PTPRE: variants seen among roughly 807,000 people sequenced by gnomAD.
The protein encoded by PTPRE is protein tyrosine phosphatase receptor type E, also known as receptor-type tyrosine-protein phosphatase epsilon.
PTPRE carries 51 observed loss-of-function variants against 102.0 expected under a neutral mutation model. That is an observed-to-expected ratio of 0.50 (90% CI 0.40 to 0.63). PTPRE has a LOEUF of 0.63. Ranked by LOEUF, PTPRE falls within the 30% of genes least tolerant of loss-of-function variation. The pLI is 0.00. For missense variants in PTPRE, 752 were observed against 915.1 expected, an observed-to-expected ratio of 0.82 and a Z score of 2.30; for synonymous variants, 345 against 348.2, an observed-to-expected ratio of 0.99 and a Z score of 0.10.
intron 1 of PTPRE, among the ~76,000 whole-genome samples, chr10:127,969,926 A>C (rs1360407945): frequency 1.3e-5 from 2 of 152,208 alleles, no homozygotes; most frequent in Non-Finnish European, 2.9e-5. Flanking sequence ...CCTGAGTCAC[A>C]AGCTCTTCAG....
At chr10:127,939,662 C>G (rs9783160) in intron 1 of PTPRE, among the ~76,000 whole-genome samples, 61,033 of 152,078 alleles carry the variant, frequency 0.4, 13,690 homozygotes, top group African/African-American at 0.6. Flanking sequence ...CCAAGGCTTC[C>G]GGGTAGGGCT....
At chr10:128,052,282 A>ACCG (rs1848620963) in intron 6 of PTPRE, among the ~76,000 whole-genome samples, 1 of 152,066 alleles carries the variant, frequency 6.6e-6, no homozygotes, top group Admixed American at 6.5e-5. Flanking sequence ...GGGAGACACC[A>ACCG]GAGTCTCAAA....
At chr10:127,910,174 C>T (rs1299879743) in intron 1 of PTPRE, among the ~76,000 whole-genome samples, 2 of 152,214 alleles carry the variant, frequency 1.3e-5, no homozygotes, top group Non-Finnish European at 2.9e-5. Flanking sequence ...AAGAAAACTA[C>T]AGTTCTAAGA....
At chr10:128,076,396 C>CAT (rs909579663) in intron 17 of PTPRE, among the ~76,000 whole-genome samples, 8 of 152,126 alleles carry the variant, frequency 5.3e-5, no homozygotes, top group South Asian at 4.1e-4. Flanking sequence ...GTTAAGGTTT[C>CAT]ATATATATAT....
chr10:128,066,068 C>T lies in PTPRE; in HGVS notation c.724-7C>T, dbSNP rs754551244. 5.0e-6 allele frequency: 8 copies of T among 1,614,160 alleles called. No homozygotes were observed. Among genetic ancestry groups the T allele is most frequent in the East Asian group, 2.2e-5 (1 of 44,882 alleles). On this transcript the variant is annotated splice_region_variant and splice_polypyrimidine_tract_variant and intron_variant, in intron 10 of 20. Coordinates refer to ENST00000254667, the MANE Select transcript of PTPRE (RefSeq NM_006504.6). ...TCTATTTGCTTCTATTAAATTGTTC[C>T]GTGCAGGAAAAGTGCCATCAGTACT...
intron 1 of PTPRE, 91 bp from the exon 2 acceptor site, chr10:127,982,183 G>A (rs748027109): frequency 1.7e-5 from 13 of 757,232 alleles, no homozygotes; most frequent in East Asian, 6.7e-5. Context: ...TGGGATAGTC[G>A]ACTAGTGCTG....
chr10:128,033,302 C>T (rs886713523), intron 2 of PTPRE, among the ~76,000 whole-genome samples: 1 of 152,172 alleles, frequency 6.6e-6, no homozygotes, highest in Non-Finnish European at 1.5e-5. Flanking sequence ...GTTAGTGCTC[C>T]CAAGGGTAGA....
chr10:127,916,680 C>T (rs1048227411), intron 1 of PTPRE, among the ~76,000 whole-genome samples: 6 of 152,108 alleles, frequency 3.9e-5, no homozygotes, highest in African/African-American at 1.4e-4. Flanking sequence ...CTGCATGGAG[C>T]TGGAGCCCAG....
intron 2 of PTPRE, among the ~76,000 whole-genome samples, chr10:128,023,271 A>T (rs1348579783): frequency 6.6e-6 from 1 of 152,136 alleles, no homozygotes; most frequent in Non-Finnish European, 1.5e-5. Flanking sequence ...TACATTATAT[A>T]GGAAAAAGGA....
chr10:128,011,519 T>C (rs1278037984), intron 2 of PTPRE, among the ~76,000 whole-genome samples: 1 of 152,234 alleles, frequency 6.6e-6, no homozygotes, highest in Non-Finnish European at 1.5e-5. Flanking sequence ...TGCCACCTTC[T>C]GGTCACCTCT....
chr10:128,067,028 A>G (rs1364798409), intron 11 of PTPRE, among the ~76,000 whole-genome samples: 1 of 151,516 alleles, frequency 6.6e-6, no homozygotes, highest in Non-Finnish European at 1.5e-5. Flanking sequence ...ACAGGCACGC[A>G]CATGCACATA....
At chr10:128,063,409 G>A (rs909618000) in intron 10 of PTPRE, among the ~76,000 whole-genome samples, 2 of 152,186 alleles carry the variant, frequency 1.3e-5, no homozygotes, top group Non-Finnish European at 2.9e-5. Context: ...TGACACAAGA[G>A]TTTCCTTTTT....
chr10:127,907,456 G>A lies in PTPRE; in HGVS notation c.-31+147G>A, dbSNP rs1232848421. 7 of 511,554 alleles carry A rather than the reference G, an allele frequency of 1.4e-5. No individual in the cohort carries two copies. The highest frequency in any genetic ancestry group is 1.5e-5 in the Non-Finnish European group (6 of 397,888). The allele number at this position is 511,554 out of a possible 1,614,324, so 31.7% of individuals were successfully genotyped here. ...TCAGAGTCCGGACCCCGGCCCCGCCGCCCCCGCGGCGCGCCCAGTACCAGC... is the reference window on the plus strand; with the variant it reads ...TCAGAGTCCGGACCCCGGCCCCGCCACCCCCGCGGCGCGCCCAGTACCAGC... On this transcript the variant is annotated intron_variant, in intron 1 of 20. Transcript: ENST00000254667. The surrounding 1 kb of genome is among the most constrained non-coding windows in gnomAD (Gnocchi z 4.8).
chr10:128,046,694 G>A (rs556242340), intron 3 of PTPRE, among the ~76,000 whole-genome samples: 2 of 152,254 alleles, frequency 1.3e-5, no homozygotes, highest in South Asian at 2.1e-4. Flanking sequence ...AGGTGGCAGC[G>A]AGGCCACCAG....
chr10:127,925,916 G>T (rs1846973837), intron 1 of PTPRE, among the ~76,000 whole-genome samples: 1 of 152,194 alleles, frequency 6.6e-6, no homozygotes, highest in Non-Finnish European at 1.5e-5. Context: ...GAGCTCAAGT[G>T]TCATTTTTGA....
intron 3 of PTPRE, among the ~76,000 whole-genome samples, chr10:128,045,290 A>G (rs987685505): frequency 3.9e-5 from 6 of 152,296 alleles, no homozygotes; most frequent in African/African-American, 1.4e-4. Context: ...CGCAGCCTTC[A>G]CTACAGGCAG....
intron 2 of PTPRE, among the ~76,000 whole-genome samples, chr10:127,984,088 T>C (rs1851875097): frequency 6.6e-6 from 1 of 150,392 alleles, no homozygotes; most frequent in African/African-American, 2.4e-5. Context: ...CTTTTTTTTT[T>C]TTTTTTTTTT....
intron 1 of PTPRE, among the ~76,000 whole-genome samples, chr10:127,977,265 A>G (rs72845902): frequency 0.016 from 2,499 of 152,342 alleles, 37 homozygotes; most frequent in Admixed American, 0.029. Context: ...CAAGGTCAGT[A>G]TCTCTGGCAT....
At chr10:128,051,110 A>T (rs1848531257) in intron 6 of PTPRE, among the ~76,000 whole-genome samples, 1 of 152,144 alleles carries the variant, frequency 6.6e-6, no homozygotes, top group South Asian at 2.1e-4. Context: ...ATAACTATCC[A>T]AGTTTTCAGC....
Sources: allele counts gnomAD v4.1 joint callset (sites outside exome capture counted in the v4.1 genomes callset), GRCh38; gene constraint gnomAD v4.1.1; non-coding constraint Gnocchi (gnomAD v3.1); transcripts MANE v1.5; gene names NCBI Gene and HGNC (gene_info 2026-07-23, HGNC 2026-07-21).